Variants in SMCHD1 observed in about 807,000 individuals in gnomAD.
SMCHD1 encodes the protein structural maintenance of chromosomes flexible hinge domain-containing protein 1.
Under a neutral mutation model 254.7 loss-of-function variants are expected in SMCHD1, and 78 were observed. The ratio of observed to expected loss-of-function variants is 0.31; its 90% confidence interval spans 0.26 to 0.37. SMCHD1 has a LOEUF of 0.37. Ranked by LOEUF, SMCHD1 falls within the 10% of genes least tolerant of loss-of-function variation. The probability of loss-of-function intolerance (pLI) is 1.00; values close to 1 mark genes in which losing one functional copy is unlikely to be tolerated. For synonymous variants in SMCHD1, 766 were observed against 794.9 expected, an observed-to-expected ratio of 0.96 and a Z score of 0.61; for missense variants, 1,840 against 2,408.1, an observed-to-expected ratio of 0.76 and a Z score of 4.94.
At chr18:2,735,627 ACGTTTTAAG>A (rs1326384088) in intron 25 of SMCHD1, among the ~76,000 whole-genome samples, 1 of 152,192 alleles carries the variant, frequency 6.6e-6, no homozygotes, top group Non-Finnish European at 1.5e-5. Flanking sequence ...TTTCTGTACT[ACGTTTTAAG>A]CTGAAAGCCA....
At chr18:2,736,029 C>A (rs1162023426) in intron 25 of SMCHD1, among the ~76,000 whole-genome samples, 1 of 152,122 alleles carries the variant, frequency 6.6e-6, no homozygotes, top group Non-Finnish European at 1.5e-5. Context: ...CTACAGTAAC[C>A]AAAACAGCAT....
intron 24 of SMCHD1, among the ~76,000 whole-genome samples, chr18:2,730,233 C>T (rs1037183842): frequency 3.3e-5 from 5 of 152,052 alleles, no homozygotes; most frequent in African/African-American, 9.7e-5. Context: ...TACAGTGGCA[C>T]GATCTCAGCT....
At chr18:2,786,290 A>G (rs952411216) in intron 45 of SMCHD1, among the ~76,000 whole-genome samples, 6 of 151,906 alleles carry the variant, frequency 3.9e-5, no homozygotes, top group Non-Finnish European at 8.8e-5. Context: ...GTGTCTGGCC[A>G]CTTTGTTTGC....
rs1453959741 is a variant in SMCHD1, at chr18:2,751,327, T to C, written c.4215T>C (p.Ile1405=). Residue 1405 remains isoleucine (I), a synonymous_variant, in exon 33 of 48, where the codon ATT becomes ATC. Transcript: ENST00000320876. ...ISEDDSIIKN[I]NPARISMKMW... The stretch of plus-strand genomic sequence containing the variant: ...AAGATGACAGTATCATTAAAAACAT[T>C]AATCCAGCACGTATTTCCATGAAAA... 1.3e-6 allele frequency: 2 copies of C among 1,581,210 alleles called. No individual in the cohort carries two copies. Among genetic ancestry groups the C allele is most frequent in the South Asian group, 2.3e-5 (2 of 85,654 alleles).
chr18:2,665,530 G>A (rs1046344973), intron 1 of SMCHD1, among the ~76,000 whole-genome samples: 4 of 151,904 alleles, frequency 2.6e-5, no homozygotes, highest in Non-Finnish European at 2.9e-5. Context: ...CATGTTGGTC[G>A]GGCTGGTCTT....
At chr18:2,778,366 A>G (rs1439569516) in intron 44 of SMCHD1, 127 bp downstream of exon 44, 2 of 627,346 alleles carry the variant, frequency 3.2e-6, no homozygotes, top group African/African-American at 1.8e-5. Flanking sequence ...TTGATAAGCA[A>G]CATAAAAGTA....
chr18:2,748,360 G>GTT, intron 30 of SMCHD1, among the ~76,000 whole-genome samples: 1 of 27,674 alleles, frequency 3.6e-5, no homozygotes, highest in East Asian at 1.6e-3. Context: ...GTGTGTGTGT[G>GTT]TGTGTGTGTG....
At position 2,718,915 on chromosome 18, in the gene SMCHD1, A is replaced by G. The variant is rs768818289; in HGVS notation, c.2458+481A>G. ...TAATCATATTCCTTCTGAATTTTGA[A>G]GACATTGTTTTCTACTTTTCATTGT... On this transcript the variant is annotated intron_variant, in intron 19 of 47. Transcript: ENST00000320876. The surrounding 1 kb of genome is among the most constrained non-coding windows in gnomAD (Gnocchi z 4.6). 6.6e-5 allele frequency among the ~76,000 whole-genome samples: 10 copies of G among 152,118 alleles called. No individual in the cohort carries two copies. Among genetic ancestry groups the G allele is most frequent in the Non-Finnish European group, 1.2e-4 (8 of 68,024 alleles).
Position 2,741,616 on chromosome 18 carries a change from A to G in SMCHD1, c.3633+795A>G, listed in dbSNP as rs181625894. ...CATTTTCACTGCTGCGGAACTTTGA[A>G]TGATATTTTGTTCCCTCCACAATGA... On this transcript the variant is annotated intron_variant, in intron 28 of 47. Coordinates refer to ENST00000320876, the MANE Select transcript of SMCHD1 (RefSeq NM_015295.3). 1.2e-3 allele frequency among the ~76,000 whole-genome samples: 185 copies of G among 152,268 alleles called. 2 individuals are homozygous for G. The highest frequency in any genetic ancestry group is 2.2e-3 in the Non-Finnish European group (147 of 68,020).
At chr18:2,658,678 C>T (rs616031) in intron 1 of SMCHD1, among the ~76,000 whole-genome samples, 5,094 of 152,110 alleles carry the variant, frequency 0.033, 153 homozygotes, top group African/African-American at 0.082. Flanking sequence ...CCTCGGATCC[C>T]ATAACTTTGT....
At position 2,796,537 on chromosome 18, in the gene SMCHD1, C is replaced by A; in HGVS notation, c.5993+16C>A. On this transcript the variant is annotated intron_variant, in intron 47 of 47. Transcript: ENST00000320876. The stretch of plus-strand genomic sequence containing the variant: ...GACAAAATAGGTGAGTTTGTTTGAC[C>A]TGAGAATTATGCTTGGTTAGTTTAC... 1 of 1,498,968 alleles carries A rather than the reference C, an allele frequency of 6.7e-7. No individual in the cohort carries two copies. The highest frequency in any genetic ancestry group is 9.2e-7 in the Non-Finnish European group (1 of 1,091,314). 92.9% of individuals were successfully genotyped at this position (1,498,968 alleles called of 1,614,324 possible).
chr18:2,703,107 GAAAATT>G (rs1296229157), intron 12 of SMCHD1, among the ~76,000 whole-genome samples: 1 of 152,142 alleles, frequency 6.6e-6, no homozygotes, highest in Non-Finnish European at 1.5e-5. Flanking sequence ...ATATAAAAGA[GAAAATT>G]AAAAAGAAAA....
intron 17 of SMCHD1, among the ~76,000 whole-genome samples, chr18:2,717,716 T>C (rs2074833909): frequency 6.6e-6 from 1 of 152,226 alleles, no homozygotes; most frequent in South Asian, 2.1e-4. Flanking sequence ...TTGACTGCTT[T>C]TCTCTCTCTT....
intron 17 of SMCHD1, among the ~76,000 whole-genome samples, chr18:2,716,473 G>T (rs1385996501): frequency 6.6e-6 from 1 of 152,200 alleles, no homozygotes; most frequent in Non-Finnish European, 1.5e-5. Context: ...TGTCCTAGAT[G>T]ATGGGCTGGA....
At position 2,762,257 on chromosome 18, in the gene SMCHD1, A is replaced by G. The variant is rs770161441; in HGVS notation, c.4566+21A>G. 97 of 1,609,786 alleles carry G rather than the reference A, an allele frequency of 6.0e-5. No individual in the cohort carries two copies. The Admixed American group carries it at 1.6e-3, about 27-fold the overall frequency. ...TCACGGTAATGTTTATTTTCTTCCA[A>G]AACTGCGAAGGGTAACAAGAAAAAT... On this transcript the variant is annotated intron_variant, in intron 36 of 47. Transcript: ENST00000320876.
Position 2,688,386 on chromosome 18 carries a change from T to C in SMCHD1, c.639-8T>C. The C allele has an allele frequency of 6.3e-7, 1 of 1,586,752 alleles. No individual in the cohort carries two copies. Among genetic ancestry groups the C allele is most frequent in the Non-Finnish European group, 8.7e-7 (1 of 1,155,516 alleles). ...GTTTAAAATCACTGCATTAATGTTT[T>C]ATTTTAGTGATCATTCAGGATATGT... On this transcript the variant is annotated splice_region_variant and splice_polypyrimidine_tract_variant and intron_variant, in intron 5 of 47. Coordinates refer to ENST00000320876, the MANE Select transcript of SMCHD1 (RefSeq NM_015295.3).
At chr18:2,659,023 C>T (rs1021743556) in intron 1 of SMCHD1, among the ~76,000 whole-genome samples, 5 of 151,950 alleles carry the variant, frequency 3.3e-5, no homozygotes, top group Non-Finnish European at 5.9e-5. Context: ...GGGGAAGAGA[C>T]AAAATAATAT....
chr18:2,744,046 A>T, intron 29 of SMCHD1, 118 bp downstream of exon 29: 2 of 868,928 alleles, frequency 2.3e-6, no homozygotes, highest in Non-Finnish European at 3.3e-6. Flanking sequence ...AACAGTTGTT[A>T]ACAGTAAAAA....
chr18:2,733,354 A>G (rs1228197124), intron 25 of SMCHD1, among the ~76,000 whole-genome samples: 4 of 152,262 alleles, frequency 2.6e-5, no homozygotes, highest in Non-Finnish European at 5.9e-5. Context: ...AACAATAATG[A>G]TAATACATGT....
Sources: allele counts gnomAD v4.1 joint callset (sites outside exome capture counted in the v4.1 genomes callset), GRCh38; gene constraint gnomAD v4.1.1; non-coding constraint Gnocchi (gnomAD v3.1); transcripts MANE v1.5; gene names NCBI Gene and HGNC (gene_info 2026-07-23, HGNC 2026-07-21).